Variants in MAP2K4 observed in about 807,000 individuals in gnomAD.
MAP2K4 encodes mitogen-activated protein kinase kinase 4, also known as dual specificity mitogen-activated protein kinase kinase 4.
In MAP2K4, 4 loss-of-function variants were observed where a neutral mutation model predicts 48.5. That is an observed-to-expected ratio of 0.08 (90% CI 0.04 to 0.19). The LOEUF (loss-of-function observed/expected upper bound fraction) is 0.19, where lower values mean the gene tolerates loss of function less well. Among genes scored for constraint, MAP2K4 ranks in the 10% least tolerant of loss-of-function variants. MAP2K4 has a pLI of 1.00. For synonymous variants in MAP2K4, 166 were observed against 173.1 expected (o/e 0.96, Z 0.32); for missense variants, 258 against 493.3 (o/e 0.52, Z 4.52).
chr17:12,043,861 A>G (rs912874237), intron 1 of MAP2K4, among the ~76,000 whole-genome samples: 1 of 152,078 alleles, frequency 6.6e-6, no homozygotes, highest in African/African-American at 2.4e-5. Flanking sequence ...GATTGATTGT[A>G]TCATTGGCCA....
chr17:12,051,067 C>G (rs968965553), intron 1 of MAP2K4, among the ~76,000 whole-genome samples: 7 of 152,166 alleles, frequency 4.6e-5, no homozygotes, highest in Admixed American at 1.3e-4. Flanking sequence ...GATTGTTGCC[C>G]TCAGCCTTGG....
chr17:12,100,990 C>T (rs1404613740), intron 4 of MAP2K4, among the ~76,000 whole-genome samples: 1 of 152,066 alleles, frequency 6.6e-6, no homozygotes, highest in African/African-American at 2.4e-5. Context: ...TTTGCAGATA[C>T]TGTCTCCTGT....
chr17:12,077,351 C>T (rs1301297395), intron 2 of MAP2K4, among the ~76,000 whole-genome samples: 2 of 152,126 alleles, frequency 1.3e-5, no homozygotes, highest in Non-Finnish European at 2.9e-5. Flanking sequence ...TTGAGAATCC[C>T]TGGGAAATAA....
intron 1 of MAP2K4, among the ~76,000 whole-genome samples, chr17:12,031,823 T>C (rs1969445659): frequency 6.6e-6 from 1 of 152,200 alleles, no homozygotes; most frequent in Non-Finnish European, 1.5e-5. Flanking sequence ...AGTTTCACAA[T>C]TTATGAACTG....
At chr17:12,040,287 G>A (rs974459915) in intron 1 of MAP2K4, among the ~76,000 whole-genome samples, 1 of 143,250 alleles carries the variant, frequency 7.0e-6, no homozygotes, top group African/African-American at 2.5e-5. Flanking sequence ...CAAAATTTGT[G>A]TTTGGGGCAT....
At chr17:12,038,544 TGA>T (rs1969674973) in intron 1 of MAP2K4, among the ~76,000 whole-genome samples, 2 of 152,132 alleles carry the variant, frequency 1.3e-5, no homozygotes, top group African/African-American at 4.8e-5. Context: ...ATATTACCAA[TGA>T]TAAGAAGCAC....
intron 1 of MAP2K4, among the ~76,000 whole-genome samples, chr17:12,034,909 A>T (rs1969546307): frequency 6.6e-6 from 1 of 152,198 alleles, no homozygotes; most frequent in Admixed American, 6.5e-5. Flanking sequence ...AGTTAAGCAG[A>T]TGTGTCTGTG....
chr17:12,108,125 CA>C (rs1972184452), intron 5 of MAP2K4, among the ~76,000 whole-genome samples: 1 of 152,230 alleles, frequency 6.6e-6, no homozygotes, highest in Admixed American at 6.5e-5. Context: ...CTTTGAATCT[CA>C]ATGAGTCATA....
At chr17:12,115,179 A>G (rs1972448215) in intron 7 of MAP2K4, among the ~76,000 whole-genome samples, 1 of 152,244 alleles carries the variant, frequency 6.6e-6, no homozygotes, top group Admixed American at 6.5e-5. Flanking sequence ...AATAAAATGT[A>G]GAGTTTACAC....
chr17:12,059,692 C>T (rs924034872), intron 2 of MAP2K4, among the ~76,000 whole-genome samples: 1 of 152,090 alleles, frequency 6.6e-6, no homozygotes, highest in Non-Finnish European at 1.5e-5. Flanking sequence ...TACATTGGAA[C>T]AGACAGAGAC....
At chr17:12,135,390 G>T (rs748189961) in intron 9 of MAP2K4, among the ~76,000 whole-genome samples, 1 of 151,358 alleles carries the variant, frequency 6.6e-6, no homozygotes, top group Non-Finnish European at 1.5e-5. Context: ...GGCCCACCTG[G>T]CTAATTTCTT....
Position 12,020,908 on chromosome 17 carries a change from GGCGGCGGCGGCTCCGGGGGCGGCA to G in MAP2K4, c.28_51del (p.Gly10_Gly17del), listed in dbSNP as rs1215935211. ...AACAATGGCGGCTCCGAGCCCGAGCGGCGGCGGCGGCTCCGGGGGCGGCAGCGGCAGCGGCACCCCCGGCCCCGT... is the reference window on the plus strand; with the variant it reads ...AACAATGGCGGCTCCGAGCCCGAGCGGCGGCAGCGGCACCCCCGGCCCCGT... On this transcript the variant is annotated inframe_deletion, in exon 1 of 11. Transcript: ENST00000353533. The G allele has an allele frequency of 8.4e-7, 1 of 1,193,130 alleles. No individual in the cohort carries two copies. The highest frequency in any genetic ancestry group is 1.0e-6 in the Non-Finnish European group (1 of 960,828). 73.9% of individuals were successfully genotyped at this position (1,193,130 alleles called of 1,614,324 possible).
At chr17:12,090,385 G>A (rs1263521510) in intron 3 of MAP2K4, among the ~76,000 whole-genome samples, 2 of 152,136 alleles carry the variant, frequency 1.3e-5, no homozygotes. Context: ...ACCCTAACAT[G>A]GAGATGTAAG....
chr17:12,141,072 C>A, intron 10 of MAP2K4, 75 bp from the exon 11 acceptor site: 1 of 870,598 alleles, frequency 1.1e-6, no homozygotes. Flanking sequence ...GTTCTATGTT[C>A]TATAGAAATT....
chr17:12,029,687 C>T (rs576405239), intron 1 of MAP2K4, among the ~76,000 whole-genome samples: 51 of 152,000 alleles, frequency 3.4e-4, no homozygotes, highest in Non-Finnish European at 5.6e-4. Flanking sequence ...GCCTATAATC[C>T]CATAACTTTG....
chr17:12,119,209 T>C (rs1597486912), intron 7 of MAP2K4, among the ~76,000 whole-genome samples: 1 of 152,312 alleles, frequency 6.6e-6, no homozygotes, highest in African/African-American at 2.4e-5. Flanking sequence ...AGTAAACAGA[T>C]AATCTGCAGA....
intron 4 of MAP2K4, among the ~76,000 whole-genome samples, chr17:12,107,382 C>CTTTTTTTTTTT (rs71367383): frequency 9.4e-6 from 1 of 106,406 alleles, no homozygotes; most frequent in Non-Finnish European, 2.0e-5. Context: ...TGTCTTTTTC[C>CTTTTTTTTTTT]TTTTTTTTTT....
intron 3 of MAP2K4, among the ~76,000 whole-genome samples, chr17:12,084,058 GA>G (rs1971280941): frequency 6.6e-6 from 1 of 152,182 alleles, no homozygotes. Flanking sequence ...GTAGAAAAGT[GA>G]ACTGTGATAT....
Position 12,046,304 on chromosome 17 carries a change from A to G in MAP2K4, c.116-8585A>G, listed in dbSNP as rs28667936. Among the ~76,000 whole-genome samples, 282 of 152,310 alleles carry G rather than the reference A, an allele frequency of 1.9e-3. 2 individuals carry two copies. The highest frequency in any genetic ancestry group is 6.3e-3 in the African/African-American group (261 of 41,568). On this transcript the variant is annotated intron_variant, in intron 1 of 10. Transcript: ENST00000353533. ...TAGGTTCCCATGAAGTCTACTTGCA[A>G]AATCATTGGAACATGGAATTGGGGT... is the stretch of plus-strand genomic sequence containing the variant.
Sources: allele counts gnomAD v4.1 joint callset (sites outside exome capture counted in the v4.1 genomes callset), GRCh38; gene constraint gnomAD v4.1.1; transcripts MANE v1.5; gene names NCBI Gene and HGNC (gene_info 2026-07-23, HGNC 2026-07-21).